The following HIVEP3 variants were observed in gnomAD, a reference collection of about 807,000 sequenced individuals.
HIVEP3 encodes the protein transcription factor HIVEP3.
A neutral mutation model predicts 152.8 loss-of-function variants in HIVEP3; 49 were observed. The observed-to-expected ratio is 0.32, with a 90% CI of 0.26 to 0.41. The LOEUF (loss-of-function observed/expected upper bound fraction) is 0.41. Among genes scored for constraint, HIVEP3 ranks in the 10% least tolerant of loss-of-function variants. HIVEP3 has a pLI of 1.00. For missense variants in HIVEP3, 2,790 were observed against 3,103.3 expected (o/e 0.90, Z 2.40); for synonymous variants, 1,269 against 1,289.0 (o/e 0.98, Z 0.33).
At chr1:41,847,411 T>C (rs565534988) in intron 1 of HIVEP3, 2 of 152,358 alleles carry the variant, frequency 1.3e-5, no homozygotes, top group African/African-American at 4.8e-5. Flanking sequence ...ATACATGATA[T>C]TGTGACACTA....
At chr1:41,870,850 C>A (rs560538940) in intron 1 of HIVEP3, among the ~76,000 whole-genome samples, 1 of 152,272 alleles carries the variant, frequency 6.6e-6, no homozygotes, top group Middle Eastern at 3.4e-3. Context: ...GGTCTTGACC[C>A]CTCCACTGAC....
At chr1:41,679,055 A>G (rs1038199547) in intron 2 of HIVEP3, among the ~76,000 whole-genome samples, 3 of 152,198 alleles carry the variant, frequency 2.0e-5, no homozygotes, top group African/African-American at 4.8e-5. Context: ...TCCACAAGGG[A>G]TACATCTCAA....
At chr1:41,961,590 T>A (rs1358701906) in intron 1 of HIVEP3, among the ~76,000 whole-genome samples, 1 of 152,252 alleles carries the variant, frequency 6.6e-6, no homozygotes, top group Non-Finnish European at 1.5e-5. Context: ...CCAGCCCAGA[T>A]CAGCCAGACC....
rs181305470 is a variant in HIVEP3 at position 41,527,581 on chromosome 1, C to A, written c.5208-2671G>T. ...CTCACACTCTTTCACACTCCACACTCAAGCACTCACACTCATTCGCATACT... is the reference window on the plus strand; with the variant it reads ...CTCACACTCTTTCACACTCCACACTAAAGCACTCACACTCATTCGCATACT... On this transcript the variant is annotated intron_variant, in intron 5 of 8. Coordinates refer to ENST00000372583, the MANE Select transcript of HIVEP3 (RefSeq NM_024503.5). Among the ~76,000 whole-genome samples, 534 of 143,062 alleles carry A rather than the reference C, an allele frequency of 3.7e-3. 5 individuals are homozygous for A. The highest frequency in any genetic ancestry group is 6.1e-3 in the Admixed American group (88 of 14,416). The allele number at this position is 143,062 out of a possible 152,430, so 93.9% of individuals were successfully genotyped here.
intron 3 of HIVEP3, among the ~76,000 whole-genome samples, chr1:41,590,183 C>T (rs1241349062): frequency 2.0e-5 from 3 of 152,190 alleles, no homozygotes; most frequent in Non-Finnish European, 2.9e-5. Flanking sequence ...TGGAGACTAA[C>T]AGGGATTGGT....
intron 1 of HIVEP3, among the ~76,000 whole-genome samples, chr1:41,851,903 T>C (rs550324679): frequency 6.6e-6 from 1 of 152,302 alleles, no homozygotes; most frequent in South Asian, 2.1e-4. Context: ...TGAGATGTTT[T>C]TGAGACCAAA....
At chr1:41,762,456 C>T (rs1021053605) in intron 1 of HIVEP3, among the ~76,000 whole-genome samples, 2 of 152,214 alleles carry the variant, frequency 1.3e-5, no homozygotes, top group Non-Finnish European at 1.5e-5. Context: ...CCTGGATCCG[C>T]AGGCTGGAGC....
intron 1 of HIVEP3, among the ~76,000 whole-genome samples, chr1:41,854,592 T>C (rs1643705004): frequency 7.7e-6 from 1 of 130,576 alleles, no homozygotes; most frequent in South Asian, 2.6e-4. Context: ...GTTACATATG[T>C]ATACATGTGC....
At chr1:42,027,724 G>C (rs1645590500) in intron 1 of HIVEP3, among the ~76,000 whole-genome samples, 1 of 152,168 alleles carries the variant, frequency 6.6e-6, no homozygotes, top group African/African-American at 2.4e-5. Context: ...CGCATGGCTG[G>C]GGAGGCCTCA....
chr1:41,614,950 G>A (rs1008553413), intron 3 of HIVEP3, among the ~76,000 whole-genome samples: 2 of 152,040 alleles, frequency 1.3e-5, no homozygotes, highest in African/African-American at 2.4e-5. Flanking sequence ...CAATACTTCC[G>A]GGGCTCTGAC....
At chr1:41,798,998 C>T (rs1244834163) in intron 1 of HIVEP3, among the ~76,000 whole-genome samples, 1 of 152,216 alleles carries the variant, frequency 6.6e-6, no homozygotes, top group South Asian at 2.1e-4. Flanking sequence ...TCACCTGGAG[C>T]ATCACTTCAG....
At chr1:41,544,724 C>CACCTCTACCACCATG in intron 5 of HIVEP3, among the ~76,000 whole-genome samples, 1 of 144,964 alleles carries the variant, frequency 6.9e-6, no homozygotes, top group Non-Finnish European at 1.5e-5. Flanking sequence ...CCACCTGTAC[C>CACCTCTACCACCATG]ACCACCGCTA....
intron 1 of HIVEP3, among the ~76,000 whole-genome samples, chr1:42,015,574 C>T (rs1394034642): frequency 6.6e-6 from 1 of 152,244 alleles, no homozygotes; most frequent in Non-Finnish European, 1.5e-5. Context: ...ACAATATCAC[C>T]CCATTAGGAA....
chr1:41,545,354 C>T (rs1302916927), intron 5 of HIVEP3, among the ~76,000 whole-genome samples: 873 of 68,122 alleles, frequency 0.013, 35 homozygotes, highest in African/African-American at 0.05. Context: ...CCACCATCAT[C>T]GCCACCATCA....
intron 5 of HIVEP3, among the ~76,000 whole-genome samples, chr1:41,568,312 TC>T (rs1422012353): frequency 5.3e-5 from 8 of 151,972 alleles, no homozygotes; most frequent in African/African-American, 1.9e-4. Context: ...GCCATGAGAG[TC>T]TCTGGAAAAA....
chr1:41,623,311 C>T (rs1645071270), intron 3 of HIVEP3, among the ~76,000 whole-genome samples: 1 of 152,206 alleles, frequency 6.6e-6, no homozygotes, highest in South Asian at 2.1e-4. Context: ...AACAAGGCTG[C>T]CCCTCTCCAA....
intron 1 of HIVEP3, among the ~76,000 whole-genome samples, chr1:41,765,063 G>A (rs553251583): frequency 1.4e-3 from 218 of 152,302 alleles, no homozygotes; most frequent in African/African-American, 5.1e-3. Flanking sequence ...CATGAATTTG[G>A]ATCTTGCAAT....
intron 1 of HIVEP3, among the ~76,000 whole-genome samples, chr1:41,776,635 G>A (rs1431272257): frequency 6.6e-6 from 1 of 152,192 alleles, no homozygotes. Context: ...GGATTTCTTG[G>A]TTTTACGATA....
intron 1 of HIVEP3, among the ~76,000 whole-genome samples, chr1:41,925,870 C>A (rs1247881137): frequency 6.6e-6 from 1 of 152,202 alleles, no homozygotes; most frequent in Non-Finnish European, 1.5e-5. Context: ...CCAAAGACTA[C>A]ATTTCCCAGC....
Sources: gnomAD v4.1 joint callset for allele counts (sites outside exome capture counted in the v4.1 genomes callset) on GRCh38, gnomAD v4.1.1 for gene constraint, MANE v1.5 for transcripts, NCBI Gene and HGNC (gene_info 2026-07-23, HGNC 2026-07-21) for gene names.